The following SLC16A7 variants were observed in gnomAD, a reference collection of about 807,000 sequenced individuals.
SLC16A7 encodes solute carrier family 16 member 7.
In SLC16A7, 33 loss-of-function variants were observed where a neutral mutation model predicts 34.9. The ratio of observed to expected loss-of-function variants is 0.94; its 90% confidence interval spans 0.72 to 1.26. The LOEUF is 1.26. SLC16A7 is among the 50% of genes most tolerant of loss of function. SLC16A7 has a pLI of 0.00. For missense variants in SLC16A7, 573 were observed against 578.1 expected (o/e 0.99, Z 0.09); for synonymous variants, 201 against 206.6 (o/e 0.97, Z 0.23).
chr12:59,680,144 A>G (rs1870632799), intron 2 of SLC16A7, among the ~76,000 whole-genome samples: 1 of 152,196 alleles, frequency 6.6e-6, no homozygotes, highest in African/African-American at 2.4e-5. Flanking sequence ...ATGTCCAAGA[A>G]TAGAACTTTT....
intron 3 of SLC16A7, among the ~76,000 whole-genome samples, chr12:59,714,525 C>T (rs1481300926): frequency 6.6e-6 from 1 of 151,782 alleles, no homozygotes; most frequent in Non-Finnish European, 1.5e-5. Context: ...CTTTTCTTTG[C>T]ATGTGCACCC....
intron 1 of SLC16A7, among the ~76,000 whole-genome samples, chr12:59,654,446 T>C (rs1362877581): frequency 1.3e-5 from 2 of 151,880 alleles, no homozygotes; most frequent in East Asian, 3.9e-4. Context: ...TACCTTTGTT[T>C]TCAAGTAAAG....
At position 59,704,779 on chromosome 12, in the gene SLC16A7, G is replaced by T. The variant is rs772453794; in HGVS notation, c.-23G>T. On this transcript the variant is annotated 5_prime_UTR_variant, in exon 3 of 6. Coordinates refer to ENST00000547379, the MANE Select transcript of SLC16A7 (RefSeq NM_001270623.2). ...TTCATTATTTTAATATAGGTTACTT[G>T]AATTTCCACTAGAGGAGCAGAAATG... 1.3e-6 allele frequency: 2 copies of T among 1,557,102 alleles called. No homozygotes were observed. Among genetic ancestry groups the T allele is most frequent in the African/African-American group, 1.4e-5 (1 of 73,624 alleles).
intron 1 of SLC16A7, among the ~76,000 whole-genome samples, chr12:59,599,880 C>G (rs1032573313): frequency 2.0e-5 from 3 of 152,130 alleles, no homozygotes; most frequent in African/African-American, 7.2e-5. Flanking sequence ...GGAAGGCATC[C>G]TATCTCTCTT....
chr12:59,736,262 A>G (rs542676140), intron 3 of SLC16A7, among the ~76,000 whole-genome samples: 7 of 152,302 alleles, frequency 4.6e-5, no homozygotes, highest in Admixed American at 1.3e-4. Flanking sequence ...AAATTGCTAG[A>G]GAGTGGGTGT....
At chr12:59,764,913 C>T (rs945225160) in intron 3 of SLC16A7, among the ~76,000 whole-genome samples, 2 of 152,190 alleles carry the variant, frequency 1.3e-5, no homozygotes, top group African/African-American at 2.4e-5. Flanking sequence ...GCCACACTGT[C>T]TTCCACAATG....
intron 2 of SLC16A7, among the ~76,000 whole-genome samples, chr12:59,694,042 G>T (rs911887047): frequency 6.6e-5 from 10 of 151,846 alleles, no homozygotes; most frequent in African/African-American, 2.2e-4. Context: ...AAAATAAAAA[G>T]CTCTAAAACA....
At chr12:59,601,961 C>G (rs1878704430) in intron 1 of SLC16A7, among the ~76,000 whole-genome samples, 1 of 152,156 alleles carries the variant, frequency 6.6e-6, no homozygotes, top group Admixed American at 6.5e-5. Context: ...TAACAATGAT[C>G]TATCTCTGTT....
At chr12:59,693,010 A>G (rs997246739) in intron 2 of SLC16A7, among the ~76,000 whole-genome samples, 2 of 152,014 alleles carry the variant, frequency 1.3e-5, no homozygotes, top group Non-Finnish European at 2.9e-5. Context: ...ATCCTTTTGT[A>G]TAAAAAAAGA....
At chr12:59,615,638 A>G (rs1358997892) in intron 1 of SLC16A7, among the ~76,000 whole-genome samples, 1 of 152,200 alleles carries the variant, frequency 6.6e-6, no homozygotes, top group Non-Finnish European at 1.5e-5. Context: ...TAATACCAGC[A>G]AAGTTACCAG....
At chr12:59,677,608 C>G (rs1363585798) in intron 2 of SLC16A7, among the ~76,000 whole-genome samples, 2 of 152,138 alleles carry the variant, frequency 1.3e-5, no homozygotes, top group African/African-American at 4.8e-5. Context: ...TGTCTTTCCA[C>G]AAGGCTACTG....
intron 2 of SLC16A7, among the ~76,000 whole-genome samples, chr12:59,667,790 C>A (rs921681534): frequency 2.0e-5 from 3 of 152,182 alleles, no homozygotes; most frequent in African/African-American, 7.2e-5. Flanking sequence ...TTCGTGGCAG[C>A]CCCTCCCATC....
intron 3 of SLC16A7, among the ~76,000 whole-genome samples, chr12:59,747,062 G>T (rs1207510234): frequency 2.0e-5 from 3 of 152,128 alleles, no homozygotes; most frequent in Non-Finnish European, 4.4e-5. Context: ...TAAATCCTGT[G>T]CTCAAGAGAT....
At chr12:59,631,121 C>A (rs1880163044) in intron 1 of SLC16A7, among the ~76,000 whole-genome samples, 1 of 151,800 alleles carries the variant, frequency 6.6e-6, no homozygotes, top group African/African-American at 2.4e-5. Context: ...AATTTGGTAT[C>A]CTGAAGAGTT....
chr12:59,737,639 C>T (rs899546804), intron 3 of SLC16A7, among the ~76,000 whole-genome samples: 1 of 152,106 alleles, frequency 6.6e-6, no homozygotes, highest in African/African-American at 2.4e-5. Flanking sequence ...AATACCATTG[C>T]TTTTATTTGA....
chr12:59,738,883 T>C (rs552563337), intron 3 of SLC16A7, among the ~76,000 whole-genome samples: 7 of 151,794 alleles, frequency 4.6e-5, no homozygotes, highest in African/African-American at 1.4e-4. Flanking sequence ...TTATAAACTA[T>C]TGCTATTTTT....
chr12:59,623,402 G>A (rs1319255688), intron 1 of SLC16A7, among the ~76,000 whole-genome samples: 3 of 151,458 alleles, frequency 2.0e-5, no homozygotes, highest in African/African-American at 7.3e-5. Flanking sequence ...CATTTTTATG[G>A]TATTGAAGCT....
intron 3 of SLC16A7, among the ~76,000 whole-genome samples, chr12:59,763,781 A>G (rs1206731295): frequency 6.6e-6 from 1 of 152,078 alleles, no homozygotes; most frequent in Non-Finnish European, 1.5e-5. Flanking sequence ...GGTAATTCTC[A>G]CAGTATTTCA....
chr12:59,778,518 T>G (rs1043137151), intron 5 of SLC16A7, among the ~76,000 whole-genome samples: 4 of 152,148 alleles, frequency 2.6e-5, no homozygotes, highest in Non-Finnish European at 5.9e-5. Flanking sequence ...ACACTAAATT[T>G]TGCTGCTGTT....
Sources: allele counts gnomAD v4.1 joint callset (sites outside exome capture counted in the v4.1 genomes callset), GRCh38; gene constraint gnomAD v4.1.1; transcripts MANE v1.5; gene names NCBI Gene and HGNC (gene_info 2026-07-23, HGNC 2026-07-21).